The following NAA15 variants were observed in gnomAD, a reference collection of about 807,000 sequenced individuals.
NAA15 encodes N-alpha-acetyltransferase 15, NatA auxiliary subunit.
In NAA15, 34 loss-of-function variants were observed where a neutral mutation model predicts 114.0. The ratio of observed to expected loss-of-function variants is 0.30; its 90% CI spans 0.23 to 0.40. The LOEUF (loss-of-function observed/expected upper bound fraction) is 0.40, where lower values mean the gene tolerates loss of function less well. NAA15 is among the 10% of genes least tolerant of loss of function. NAA15 has a pLI of 1.00. For missense variants in NAA15, 658 were observed against 1,004.5 expected, an observed-to-expected ratio of 0.66 and a Z score of 4.66; for synonymous variants, 340 against 338.0, an observed-to-expected ratio of 1.01 and a Z score of -0.06.
At chr4:139,353,975 A>G (rs1747861552) in intron 9 of NAA15, 51 bp from the exon 10 acceptor site, 2 of 1,398,480 alleles carry the variant, frequency 1.4e-6, no homozygotes, top group East Asian at 4.6e-5. Context: ...GCATAAGAAT[A>G]GTAAATGTGT....
At chr4:139,351,757 T>C (rs935536169) in intron 9 of NAA15, 146 bp downstream of exon 9, 20 of 473,096 alleles carry the variant, frequency 4.2e-5, no homozygotes, top group Non-Finnish European at 7.2e-5. Flanking sequence ...ATGCTTCTGA[T>C]TCCTCTTTTT....
intron 1 of NAA15, among the ~76,000 whole-genome samples, chr4:139,305,044 G>T (rs954410057): frequency 1.3e-5 from 2 of 152,136 alleles, no homozygotes; most frequent in Non-Finnish European, 2.9e-5. Flanking sequence ...TTCAGCCTCC[G>T]GAGTAGGGGG....
intron 1 of NAA15, among the ~76,000 whole-genome samples, chr4:139,331,726 A>C (rs1747012114): frequency 1.3e-5 from 2 of 151,546 alleles, no homozygotes; most frequent in African/African-American, 4.9e-5. Flanking sequence ...CAGCCTCCCA[A>C]AGTGCTGGGA....
At chr4:139,342,993 T>A in intron 5 of NAA15, 33 bp downstream of exon 5, 1 of 1,572,474 alleles carries the variant, frequency 6.4e-7, no homozygotes, top group Non-Finnish European at 8.7e-7. Flanking sequence ...CTAAGTCTGA[T>A]CCTAAGTATA....
chr4:139,344,153 C>T, intron 5 of NAA15, 33 bp from the exon 6 acceptor site: 2 of 1,512,124 alleles, frequency 1.3e-6, no homozygotes, highest in Non-Finnish European at 1.8e-6. Context: ...AAATAAAATT[C>T]TTACTGTCAG....
rs372842367 is a variant in NAA15 at position 139,301,606 on chromosome 4, C to G, written c.-172C>G. 4.0e-5 allele frequency: 27 copies of G among 670,266 alleles called. No individual in the cohort carries two copies. The East Asian group carries it at 6.9e-4, about 17-fold the overall frequency. 41.5% of individuals were successfully genotyped at this position (670,266 alleles called of 1,614,324 possible). A position where few individuals can be genotyped will look rare whatever the true frequency, so the allele number is the denominator to read the frequency against. On this transcript the variant is annotated 5_prime_UTR_variant, in exon 1 of 20. Transcript: ENST00000296543. ...TTAAGTGAGAAAGGAAAAAAGACAACGAGGAAAAAGGAGGTGTCCGGGTAG... is the reference window on the plus strand; with the variant it reads ...TTAAGTGAGAAAGGAAAAAAGACAAGGAGGAAAAAGGAGGTGTCCGGGTAG...
chr4:139,318,485 T>A (rs1192187736), intron 1 of NAA15: 1 of 152,154 alleles, frequency 6.6e-6, no homozygotes, highest in African/African-American at 2.4e-5. Flanking sequence ...TTCCATGTTT[T>A]CTTAAATATA....
chr4:139,359,670 C>A, intron 11 of NAA15, 73 bp from the exon 12 acceptor site: 1 of 1,408,050 alleles, frequency 7.1e-7, no homozygotes, highest in Non-Finnish European at 9.7e-7. Flanking sequence ...AATTATTTAT[C>A]AACAGATAAT....
At chr4:139,363,073 C>G (rs952467389) in intron 14 of NAA15, among the ~76,000 whole-genome samples, 28 of 152,140 alleles carry the variant, frequency 1.8e-4, no homozygotes, top group African/African-American at 6.8e-4. Context: ...ACAGATATCA[C>G]TTGAATCTCT....
At chr4:139,377,350 A>G (rs1748618517) in intron 16 of NAA15, among the ~76,000 whole-genome samples, 1 of 152,150 alleles carries the variant, frequency 6.6e-6, no homozygotes, top group African/African-American at 2.4e-5. Context: ...CAGCCTGACC[A>G]ACATGGAGAA....
intron 10 of NAA15, among the ~76,000 whole-genome samples, chr4:139,355,981 AT>A (rs1242020709): frequency 6.6e-6 from 1 of 152,118 alleles, no homozygotes; most frequent in Non-Finnish European, 1.5e-5. Context: ...TGATAAATGG[AT>A]TTTTTCTCCC....
chr4:139,335,738 A>C (rs143519445), intron 2 of NAA15, among the ~76,000 whole-genome samples: 1 of 151,256 alleles, frequency 6.6e-6, no homozygotes, highest in Non-Finnish European at 1.5e-5. Context: ...CAGGTTGCAT[A>C]TAAATTGTCA....
chr4:139,387,554 G>A (rs1030336087), intron 19 of NAA15, among the ~76,000 whole-genome samples: 3 of 152,210 alleles, frequency 2.0e-5, no homozygotes, highest in Non-Finnish European at 4.4e-5. Context: ...GCTAGGCTGA[G>A]GTAACATTGC....
At chr4:139,370,456 T>C in intron 15 of NAA15, 52 bp downstream of exon 15, 1 of 1,470,408 alleles carries the variant, frequency 6.8e-7, no homozygotes, top group Non-Finnish European at 9.0e-7. Flanking sequence ...TGACCAGCTC[T>C]TGTCATTTTT....
chr4:139,361,543 T>C (rs1748131229), intron 13 of NAA15, among the ~76,000 whole-genome samples, 181 bp from the exon 14 acceptor site: 1 of 152,182 alleles, frequency 6.6e-6, no homozygotes, highest in Admixed American at 6.5e-5. Flanking sequence ...TGCTAGACAA[T>C]GGCTAACTGT....
At chr4:139,310,954 T>C (rs1392416905) in intron 1 of NAA15, among the ~76,000 whole-genome samples, 2 of 151,424 alleles carry the variant, frequency 1.3e-5, no homozygotes, top group African/African-American at 2.4e-5. Context: ...TCTTACTCTG[T>C]TGCCCAGGCT....
chr4:139,381,568 T>C (rs1748756156), intron 17 of NAA15, among the ~76,000 whole-genome samples: 1 of 152,144 alleles, frequency 6.6e-6, no homozygotes, highest in Non-Finnish European at 1.5e-5. Flanking sequence ...ATTATTAAAT[T>C]TTTTATTTTT....
At position 139,370,364 on chromosome 4, in the gene NAA15, G is replaced by C; in HGVS notation, c.1907G>C (p.Gly636Ala). 1.3e-6 allele frequency: 2 copies of C among 1,584,842 alleles called. No individual in the cohort carries two copies. The highest frequency in any genetic ancestry group is 1.7e-6 in the Non-Finnish European group (2 of 1,171,284). The change falls in exon 15 of 20, where the codon GGA becomes GCA. Residue 636 changes from glycine (G) to alanine (A), a missense_variant. Around this residue, in one of 6 missense-constraint regions of NAA15, gnomAD observed 275 missense variants for 371.1 expected, o/e 0.74. Coordinates refer to ENST00000296543, the MANE Select transcript of NAA15 (RefSeq NM_057175.5). ...KKKDDDDEEI[G>A]GPKEELIPEK... ...AAGGATGATGATGATGAGGAGATAG[G>C]AGGTCCAAAAGAAGAACTTATTCCA... is the stretch of plus-strand genomic sequence containing the variant.
At position 139,361,880 on chromosome 4, in the gene NAA15, T is replaced by C. The variant is rs374017518; in HGVS notation, c.1696T>C (p.Leu566=). The C allele has an allele frequency of 6.2e-6, 10 of 1,613,638 alleles. No homozygotes were observed. The highest frequency in any genetic ancestry group is 1.3e-5 in the African/African-American group (1 of 74,922). The part of the protein sequence containing the change: ...KAARIAIEIY[L]KLHDNPLTDE... ...AGCAAGAATTGCTATAGAGATCTAT[T>C]TGAAGCTTCATGACAACCCCCTTAC... The change falls in exon 14 of 20, where the codon TTG becomes CTG. Residue 566 remains leucine (L), a synonymous_variant. Transcript: ENST00000296543.
Sources: gnomAD v4.1 joint callset for allele counts (sites outside exome capture counted in the v4.1 genomes callset) on GRCh38, gnomAD v4.1.1 for gene constraint, gnomAD v4.1.1 regional missense constraint, MANE v1.5 for transcripts, NCBI Gene and HGNC (gene_info 2026-07-23, HGNC 2026-07-21) for gene names.